CNTN3: variants seen among roughly 807,000 people sequenced by gnomAD.
CNTN3 encodes contactin 3.
In CNTN3, 60 loss-of-function variants were observed where a neutral mutation model predicts 119.1. The ratio of observed to expected loss-of-function variants is 0.50; its 90% confidence interval spans 0.41 to 0.62. The LOEUF (loss-of-function observed/expected upper bound fraction) is 0.62. CNTN3 is among the 20% of genes least tolerant of loss of function. The pLI is 0.00. For missense variants in CNTN3, 1,101 were observed against 1,242.4 expected, an observed-to-expected ratio of 0.89 and a Z score of 1.71; for synonymous variants, 450 against 438.7, an observed-to-expected ratio of 1.03 and a Z score of -0.32.
chr3:74,450,737 C>T (rs1337270371), intron 4 of CNTN3, among the ~76,000 whole-genome samples: 1 of 146,976 alleles, frequency 6.8e-6, no homozygotes, highest in Non-Finnish European at 1.5e-5. Flanking sequence ...TGCTCAATTC[C>T]CACCTATGAG....
rs114099776 is a variant in CNTN3 at position 74,547,884 on chromosome 3, A to C, written c.-80-26692T>G. On this transcript the variant is annotated intron_variant, in intron 1 of 22. Transcript: ENST00000263665. ...AGAATGTTTCTCCCGCCACAAAATT[A>C]AACATGTAGCCTCCTAAACATCCTT... Among the ~76,000 whole-genome samples, 448 of 152,306 alleles carry C rather than the reference A, an allele frequency of 2.9e-3. 3 individuals carry two copies. The highest frequency in any genetic ancestry group is 0.01 in the African/African-American group (431 of 41,576).
At chr3:74,278,817 G>A (rs1161508959) in intron 20 of CNTN3, among the ~76,000 whole-genome samples, 2 of 151,962 alleles carry the variant, frequency 1.3e-5, no homozygotes, top group African/African-American at 4.8e-5. Context: ...AGAGTAAACA[G>A]ACAACCTAAA....
chr3:74,409,180 C>T (rs4677390), intron 5 of CNTN3, among the ~76,000 whole-genome samples: 90,445 of 151,954 alleles, frequency 0.6, 29,634 homozygotes, highest in East Asian at 0.79. Flanking sequence ...TGGAACTTAT[C>T]TTGGAAACAT....
intron 7 of CNTN3, 142 bp from the exon 8 acceptor site, chr3:74,369,515 T>TA (rs930057573): frequency 1.1e-5 from 6 of 543,286 alleles, no homozygotes; most frequent in Admixed American, 7.8e-5. Context: ...ATAAACCTGA[T>TA]AAAAAAGATT....
intron 13 of CNTN3, among the ~76,000 whole-genome samples, chr3:74,322,802 T>C (rs1703028135): frequency 6.6e-6 from 1 of 152,208 alleles, no homozygotes; most frequent in African/African-American, 2.4e-5. Context: ...ACTGGGATAT[T>C]ATTCAGCACT....
At chr3:74,345,480 A>G (rs1703667312) in intron 11 of CNTN3, among the ~76,000 whole-genome samples, 1 of 151,580 alleles carries the variant, frequency 6.6e-6, no homozygotes, top group South Asian at 2.1e-4. Flanking sequence ...CGTGAGAAAT[A>G]ATGAGAAATG....
intron 13 of CNTN3, among the ~76,000 whole-genome samples, chr3:74,315,314 C>A (rs2106651934): frequency 6.6e-6 from 1 of 152,290 alleles, no homozygotes; most frequent in Admixed American, 6.5e-5. Flanking sequence ...TCCAGCAGAT[C>A]TCGAGGCTGC....
chr3:74,614,632 T>TGGCTGCTGC lies in CNTN3; in HGVS notation c.-331_-323dup, dbSNP rs1327595615. On this transcript the variant is annotated 5_prime_UTR_variant, in exon 1 of 23. Coordinates refer to ENST00000263665, the MANE Select transcript of CNTN3 (RefSeq NM_020872.3). ...GCCGCCGCCAAGCGCCAGGCTGCTGTGGCTGCTGCCGGCGCCTAGCGAGCA... is the reference window on the plus strand; with the variant it reads ...GCCGCCGCCAAGCGCCAGGCTGCTGTGGCTGCTGCGGCTGCTGCCGGCGCCTAGCGAGCA... 2.0e-5 allele frequency among the ~76,000 whole-genome samples: 3 copies of TGGCTGCTGC among 149,362 alleles called. No individual in the cohort carries two copies. Among genetic ancestry groups the TGGCTGCTGC allele is most frequent in the African/African-American group, 7.3e-5 (3 of 41,200 alleles).
At chr3:74,607,858 T>C (rs898742205) in intron 1 of CNTN3, among the ~76,000 whole-genome samples, 1 of 152,190 alleles carries the variant, frequency 6.6e-6, no homozygotes, top group African/African-American at 2.4e-5. Flanking sequence ...CCTAGAAACA[T>C]GAACCTCTAC....
chr3:74,559,688 T>C (rs1428512741), intron 1 of CNTN3, among the ~76,000 whole-genome samples: 1 of 152,114 alleles, frequency 6.6e-6, no homozygotes, highest in Non-Finnish European at 1.5e-5. Context: ...AAGGAAAAGA[T>C]AGAAATTCTG....
chr3:74,581,593 T>C (rs139583031), intron 1 of CNTN3, among the ~76,000 whole-genome samples: 2 of 152,302 alleles, frequency 1.3e-5, no homozygotes, highest in East Asian at 1.9e-4. Flanking sequence ...GAACTCCCAA[T>C]AGGTCCTTTG....
At chr3:74,286,010 T>C (rs1298481262) in intron 19 of CNTN3, among the ~76,000 whole-genome samples, 3 of 151,800 alleles carry the variant, frequency 2.0e-5, no homozygotes, top group Admixed American at 6.6e-5. Context: ...TCTTTCTTAG[T>C]TGTGTTTTGG....
At chr3:74,468,863 C>G (rs980055200) in intron 4 of CNTN3, among the ~76,000 whole-genome samples, 4 of 152,078 alleles carry the variant, frequency 2.6e-5, no homozygotes, top group Non-Finnish European at 5.9e-5. Flanking sequence ...CATTATTTTC[C>G]AAACTGAATT....
chr3:74,371,478 A>C (rs1704337957), intron 5 of CNTN3, 79 bp from the exon 6 acceptor site: 4 of 1,039,678 alleles, frequency 3.8e-6, no homozygotes, highest in Non-Finnish European at 4.4e-6. Flanking sequence ...TATCTATACA[A>C]ACATCAACTT....
chr3:74,397,671 C>T (rs1402397209), intron 5 of CNTN3, among the ~76,000 whole-genome samples: 4 of 152,246 alleles, frequency 2.6e-5, no homozygotes, highest in East Asian at 3.9e-4. Context: ...TTAAGAAACA[C>T]ATTTTTCAAG....
Position 74,263,630 on chromosome 3 carries a change from T to C in CNTN3, c.*771A>G, listed in dbSNP as rs1398338547. 6.6e-6 allele frequency: 1 copy of C among 152,226 alleles called. No individual in the cohort carries two copies. The highest frequency in any genetic ancestry group is 2.1e-4 in the South Asian group (1 of 4,830). 9.4% of individuals were successfully genotyped at this position (152,226 alleles called of 1,614,324 possible). ...AAAATCTGGCTGGTCTTCATGACTT[T>C]TATGTGATTAAATAAATTCATGCTA... On this transcript the variant is annotated 3_prime_UTR_variant, in exon 23 of 23. Transcript: ENST00000263665.
rs781584046 is a variant in CNTN3, at chr3:74,457,782, T to G, written c.358+28674A>C. On this transcript the variant is annotated intron_variant, in intron 4 of 22. Coordinates refer to ENST00000263665, the MANE Select transcript of CNTN3 (RefSeq NM_020872.3). The stretch of plus-strand genomic sequence containing the variant: ...TTGCATGGCTCAGAGGAGAGATAAA[T>G]TAATACAGGACAACAAACAAATTGA... Among the ~76,000 whole-genome samples the G allele has an allele frequency of 3.9e-5, 6 of 152,096 alleles. No homozygotes were observed. The South Asian group carries it at 6.2e-4, about 16-fold the overall frequency.
At chr3:74,548,491 A>C (rs899430540) in intron 1 of CNTN3, among the ~76,000 whole-genome samples, 1 of 152,208 alleles carries the variant, frequency 6.6e-6, no homozygotes, top group Non-Finnish European at 1.5e-5. Context: ...ACTATATAGT[A>C]AAATACTTTA....
chr3:74,500,156 A>G (rs1041738650), intron 2 of CNTN3, among the ~76,000 whole-genome samples: 6 of 152,076 alleles, frequency 3.9e-5, no homozygotes, highest in African/African-American at 1.4e-4. Flanking sequence ...AATGAATTCA[A>G]CACCTGAGTA....
Sources: gnomAD v4.1 joint callset for allele counts (sites outside exome capture counted in the v4.1 genomes callset) on GRCh38, gnomAD v4.1.1 for gene constraint, MANE v1.5 for transcripts, NCBI Gene and HGNC (gene_info 2026-07-23, HGNC 2026-07-21) for gene names.